The following STK10 variants were observed in gnomAD, a reference collection of about 807,000 sequenced individuals.
The protein encoded by STK10 is serine/threonine kinase 10.
STK10 carries 78 observed loss-of-function variants against 113.8 expected under a neutral mutation model. The observed-to-expected ratio is 0.69, with a 90% CI of 0.57 to 0.83. STK10 has a LOEUF of 0.83. Among genes scored for constraint, STK10 ranks in the 40% least tolerant of loss-of-function variants. The pLI is 0.00. For missense variants in STK10, 1,109 were observed against 1,280.1 expected, an observed-to-expected ratio of 0.87 and a Z score of 2.04; for synonymous variants, 465 against 494.7, an observed-to-expected ratio of 0.94 and a Z score of 0.80.
chr5:172,174,784 C>T (rs1211518366), intron 1 of STK10, among the ~76,000 whole-genome samples: 5 of 152,070 alleles, frequency 3.3e-5, no homozygotes, highest in Non-Finnish European at 5.9e-5. Context: ...GCAGGGGACC[C>T]GCCAGCGCAA....
In STK10 at chr5:172,133,540, G is replaced by A. The variant is rs1010288631; in HGVS notation, c.322-6119C>T. Among the ~76,000 whole-genome samples the A allele has an allele frequency of 2.0e-5, 3 of 152,206 alleles. No individual in the cohort carries two copies. Among genetic ancestry groups the A allele is most frequent in the Admixed American group, 6.5e-5 (1 of 15,276 alleles). On this transcript the variant is annotated intron_variant, in intron 2 of 18. Transcript: ENST00000176763. This position sits in a 1 kb window ranked among gnomAD's most constrained non-coding sequence, Gnocchi z 4.9. ...CTGACTCAGGGCTGGTGTCATCAGAGCTAAGCTGGTGAGTTGTGCTTGATG... is the reference window on the plus strand; with the variant it reads ...CTGACTCAGGGCTGGTGTCATCAGAACTAAGCTGGTGAGTTGTGCTTGATG...
intron 12 of STK10, among the ~76,000 whole-genome samples, chr5:172,072,111 A>C (rs987465987): frequency 3.3e-5 from 5 of 152,234 alleles, no homozygotes; most frequent in Admixed American, 1.3e-4. Context: ...ATATTTTAAA[A>C]TCAAGCAATA....
intron 1 of STK10, 110 bp from the exon 2 acceptor site, chr5:172,156,898 G>C (rs1770358322): frequency 7.8e-7 from 1 of 1,285,162 alleles, no homozygotes; most frequent in South Asian, 1.4e-5. Context: ...CGGATGTCCA[G>C]ATGCTGAACC....
Position 172,044,625 on chromosome 5 carries a change from A to C in STK10, c.*257T>G. On this transcript the variant is annotated 3_prime_UTR_variant, in exon 19 of 19. Coordinates refer to ENST00000176763, the MANE Select transcript of STK10 (RefSeq NM_005990.4). The surrounding 1 kb of genome is among the most constrained non-coding windows in gnomAD (Gnocchi z 4.5). ...AACAGCCCCATCCCTTCCAGCTTGA[A>C]GGGATCTGGGGCTCAAGGAGAATAT... 2 of 556,504 alleles carry C rather than the reference A, an allele frequency of 3.6e-6. No individual in the cohort carries two copies. The highest frequency in any genetic ancestry group is 2.1e-5 in the South Asian group (1 of 48,690). The allele number at this position is 556,504 out of a possible 1,614,324, so 34.5% of individuals were successfully genotyped here. A position where few individuals can be genotyped will look rare whatever the true frequency, so the allele number is the denominator to read the frequency against.
intron 12 of STK10, among the ~76,000 whole-genome samples, chr5:172,078,946 T>TA (rs1561798062): frequency 3.8e-5 from 5 of 132,398 alleles, no homozygotes; most frequent in African/African-American, 1.6e-4. Context: ...CTCTTATAAG[T>TA]CCACACACAC....
At chr5:172,081,348 C>T (rs62384624) in intron 12 of STK10, among the ~76,000 whole-genome samples, 1 of 122,440 alleles carries the variant, frequency 8.2e-6, no homozygotes, top group Admixed American at 8.6e-5. Context: ...GAGACTCCAT[C>T]TCCAAAAAAA....
At chr5:172,045,308 TCC>T (rs1210527384) in intron 18 of STK10, 1 of 564,042 alleles carries the variant, frequency 1.8e-6, no homozygotes, top group Non-Finnish European at 3.3e-6. Context: ...CAGATGCAAA[TCC>T]CCTGGCAGGA....
rs73801838 is a variant in STK10, at chr5:172,082,053, G to A, written c.1989+273C>T. 0.043 allele frequency among the ~76,000 whole-genome samples: 6,541 copies of A among 152,130 alleles called. 472 individuals are homozygous for A. The highest frequency in any genetic ancestry group is 0.15 in the African/African-American group (6,172 of 41,432). On this transcript the variant is annotated intron_variant, in intron 12 of 18. Coordinates refer to ENST00000176763, the MANE Select transcript of STK10 (RefSeq NM_005990.4). This position sits in a 1 kb window ranked among gnomAD's most constrained non-coding sequence, Gnocchi z 4.3. ...TCTTCCCCGCTCTTTCTCGGCAGGG[G>A]TTGCTAAGCTGGGAGGATGTAAAGG...
chr5:172,109,683 C>T (rs756374126), intron 4 of STK10, among the ~76,000 whole-genome samples: 13 of 152,260 alleles, frequency 8.5e-5, no homozygotes, highest in African/African-American at 2.4e-4. Flanking sequence ...AAGAATTCAG[C>T]GCTACCAAGA....
intron 2 of STK10, among the ~76,000 whole-genome samples, chr5:172,139,900 C>CAAAA (rs34385866): frequency 2.3e-4 from 21 of 92,364 alleles, no homozygotes; most frequent in African/African-American, 7.0e-4. Flanking sequence ...AAAGCACAGC[C>CAAAA]AAAAAAAAAA....
chr5:172,127,814 C>T (rs1225457186), intron 2 of STK10, among the ~76,000 whole-genome samples: 3 of 152,220 alleles, frequency 2.0e-5, no homozygotes, highest in Non-Finnish European at 2.9e-5. Context: ...TGCCTTCCCC[C>T]GGCCAAGCTG....
intron 1 of STK10, among the ~76,000 whole-genome samples, chr5:172,181,377 A>G (rs1333363333): frequency 6.6e-6 from 1 of 152,306 alleles, no homozygotes; most frequent in East Asian, 1.9e-4. Flanking sequence ...TTTTTACTGC[A>G]TGATTTTGCA....
At chr5:172,167,465 A>G (rs1425774234) in intron 1 of STK10, among the ~76,000 whole-genome samples, 2 of 152,212 alleles carry the variant, frequency 1.3e-5, no homozygotes, top group Non-Finnish European at 2.9e-5. Flanking sequence ...AGCATAATGA[A>G]GTCAAGCGAT....
At chr5:172,145,194 T>C (rs534570629) in intron 2 of STK10, among the ~76,000 whole-genome samples, 17 of 152,272 alleles carry the variant, frequency 1.1e-4, no homozygotes, top group South Asian at 6.2e-4. Flanking sequence ...CACTGTTCTC[T>C]AAAGCCAGCT....
At chr5:172,136,468 G>T (rs1454508366) in intron 2 of STK10, among the ~76,000 whole-genome samples, 1 of 152,118 alleles carries the variant, frequency 6.6e-6, no homozygotes, top group Non-Finnish European at 1.5e-5. Flanking sequence ...GTGGTGGCAG[G>T]CACCTGTAGT....
rs534087465 is a variant in STK10, at chr5:172,048,833, C to T, written c.2767-3811G>A. On this transcript the variant is annotated intron_variant, in intron 18 of 18. Transcript: ENST00000176763. Reference sequence around the variant, plus strand: ...TAAAAGCCAGACTTTACGCAGGCCCCCCACCCCTCTGACTTTACCTCCTAT... The same window carrying T: ...TAAAAGCCAGACTTTACGCAGGCCCTCCACCCCTCTGACTTTACCTCCTAT... Among the ~76,000 whole-genome samples, 52 of 152,212 alleles carry T rather than the reference C, an allele frequency of 3.4e-4. 1 individual carries two copies. Among genetic ancestry groups the T allele is most frequent in the South Asian group, 8.3e-4 (4 of 4,824 alleles).
chr5:172,074,025 T>A (rs1032873694), intron 12 of STK10, among the ~76,000 whole-genome samples: 1 of 151,680 alleles, frequency 6.6e-6, no homozygotes, highest in Non-Finnish European at 1.5e-5. Flanking sequence ...TGAATCTGTA[T>A]GCTCAAATTA....
intron 9 of STK10, among the ~76,000 whole-genome samples, chr5:172,092,259 C>T (rs1768729342): frequency 6.6e-6 from 1 of 152,198 alleles, no homozygotes; most frequent in Non-Finnish European, 1.5e-5. Flanking sequence ...AAGGAACAGG[C>T]TCCTAGTCAC....
chr5:172,171,884 C>T (rs1049025938), intron 1 of STK10, among the ~76,000 whole-genome samples: 1 of 152,114 alleles, frequency 6.6e-6, no homozygotes, highest in Non-Finnish European at 1.5e-5. Flanking sequence ...CTTACTTTCA[C>T]TTAACAGTAT....
Sources: gnomAD v4.1 joint callset for allele counts (sites outside exome capture counted in the v4.1 genomes callset) on GRCh38, gnomAD v4.1.1 for gene constraint, Gnocchi (gnomAD v3.1) non-coding constraint, MANE v1.5 for transcripts, NCBI Gene and HGNC (gene_info 2026-07-23, HGNC 2026-07-21) for gene names.